The following LDB2 variants were observed in gnomAD, a reference collection of about 807,000 sequenced individuals.
LDB2 encodes LIM domain-binding protein 2.
Under a neutral mutation model 44.3 loss-of-function variants are expected in LDB2, and 12 were observed. That is an observed-to-expected ratio of 0.27 (90% CI 0.17 to 0.44). The LOEUF (loss-of-function observed/expected upper bound fraction) is 0.44, where lower values mean the gene tolerates loss of function less well. Ranked by LOEUF, LDB2 falls within the 20% of genes least tolerant of loss-of-function variation. LDB2 has a pLI of 1.00. For missense variants in LDB2, 344 were observed against 473.5 expected (o/e 0.73, Z 2.54); for synonymous variants, 164 against 174.8 (o/e 0.94, Z 0.49).
At chr4:16,851,954 T>G (rs1461148332) in intron 1 of LDB2, among the ~76,000 whole-genome samples, 1 of 152,178 alleles carries the variant, frequency 6.6e-6, no homozygotes, top group Non-Finnish European at 1.5e-5. Flanking sequence ...GGCTGCCCAG[T>G]GTTCTTCTGC....
chr4:16,578,155 C>G (rs1712571622), intron 5 of LDB2, among the ~76,000 whole-genome samples: 2 of 152,080 alleles, frequency 1.3e-5, no homozygotes, highest in African/African-American at 4.8e-5. Context: ...TTGGACTGAG[C>G]AAAGACTTCT....
chr4:16,885,981 C>T (rs947566020), intron 1 of LDB2, among the ~76,000 whole-genome samples: 4 of 151,940 alleles, frequency 2.6e-5, no homozygotes, highest in African/African-American at 4.8e-5. Context: ...TTTGGGAGGC[C>T]GAAGCAAGAG....
intron 1 of LDB2, chr4:16,889,478 G>T (rs563503143): frequency 1.3e-5 from 2 of 152,148 alleles, no homozygotes; most frequent in Admixed American, 1.3e-4. Flanking sequence ...AAGAAATTTT[G>T]TTCTCTCAGG....
At chr4:16,871,019 T>A (rs1716415689) in intron 1 of LDB2, among the ~76,000 whole-genome samples, 1 of 152,240 alleles carries the variant, frequency 6.6e-6, no homozygotes, top group Non-Finnish European at 1.5e-5. Flanking sequence ...GAGACCCATA[T>A]GTTGCACTCA....
At chr4:16,593,863 C>T (rs1578076424) in intron 3 of LDB2, among the ~76,000 whole-genome samples, 1 of 152,120 alleles carries the variant, frequency 6.6e-6, no homozygotes, top group Non-Finnish European at 1.5e-5. Context: ...AACACTTTAT[C>T]GATTCATCTG....
At chr4:16,835,454 C>G (rs1386314032) in intron 1 of LDB2, among the ~76,000 whole-genome samples, 1 of 152,184 alleles carries the variant, frequency 6.6e-6, no homozygotes, top group Non-Finnish European at 1.5e-5. Flanking sequence ...ATGCATCAGT[C>G]ATTCATTCCT....
intron 5 of LDB2, among the ~76,000 whole-genome samples, chr4:16,536,699 G>A (rs1315441842): frequency 1.3e-5 from 2 of 152,232 alleles, no homozygotes; most frequent in Non-Finnish European, 2.9e-5. Context: ...AGGTGGGTCA[G>A]GGGATGGAGA....
intron 7 of LDB2, among the ~76,000 whole-genome samples, chr4:16,508,007 C>T (rs1334105835): frequency 6.6e-6 from 1 of 152,134 alleles, no homozygotes; most frequent in Non-Finnish European, 1.5e-5. Flanking sequence ...TGATCCTCCC[C>T]CTTAGCTAAT....
At chr4:16,850,187 G>A (rs1379431335) in intron 1 of LDB2, among the ~76,000 whole-genome samples, 1 of 151,994 alleles carries the variant, frequency 6.6e-6, no homozygotes, top group East Asian at 1.9e-4. Flanking sequence ...GTCTGTTATG[G>A]GAGCCGCCAA....
At chr4:16,541,639 C>T (rs982906904) in intron 5 of LDB2, among the ~76,000 whole-genome samples, 1 of 152,186 alleles carries the variant, frequency 6.6e-6, no homozygotes, top group African/African-American at 2.4e-5. Flanking sequence ...ATCTGTGCAA[C>T]ATTTGCAACT....
chr4:16,706,844 A>T (rs1328197691), intron 2 of LDB2, among the ~76,000 whole-genome samples: 2 of 152,152 alleles, frequency 1.3e-5, no homozygotes, highest in African/African-American at 4.8e-5. Flanking sequence ...CAGATACCTC[A>T]AGGCAGATAG....
At chr4:16,746,022 A>C (rs779522322) in intron 2 of LDB2, among the ~76,000 whole-genome samples, 1 of 152,134 alleles carries the variant, frequency 6.6e-6, no homozygotes, top group Non-Finnish European at 1.5e-5. Flanking sequence ...CTAATGATCA[A>C]TCTGACACCT....
At chr4:16,564,657 A>C (rs1366162950) in intron 5 of LDB2, among the ~76,000 whole-genome samples, 1 of 152,222 alleles carries the variant, frequency 6.6e-6, no homozygotes, top group Non-Finnish European at 1.5e-5. Context: ...TTGCTTTGGA[A>C]TATTATGTTT....
chr4:16,516,474 A>G (rs1007251954), intron 5 of LDB2, among the ~76,000 whole-genome samples: 6 of 152,194 alleles, frequency 3.9e-5, no homozygotes, highest in African/African-American at 1.4e-4. Flanking sequence ...GAATAACACA[A>G]TCTCTGCCCT....
chr4:16,708,522 A>C (rs142073993), intron 2 of LDB2, among the ~76,000 whole-genome samples: 39 of 151,986 alleles, frequency 2.6e-4, no homozygotes, highest in Admixed American at 2.2e-3. Context: ...TTTACCCACT[A>C]CTTACCACCT....
chr4:16,774,177 AG>A, intron 1 of LDB2, among the ~76,000 whole-genome samples: 2 of 132,756 alleles, frequency 1.5e-5, no homozygotes, highest in East Asian at 2.2e-4. Context: ...AAAAAAAAAA[AG>A]GGTAACTAGT....
At chr4:16,787,285 T>C (rs1428692011) in intron 1 of LDB2, among the ~76,000 whole-genome samples, 2 of 152,106 alleles carry the variant, frequency 1.3e-5, no homozygotes, top group African/African-American at 4.8e-5. Context: ...CTACAGCCTA[T>C]GGAGGAATGC....
At chr4:16,702,738 T>G (rs1258051097) in intron 2 of LDB2, among the ~76,000 whole-genome samples, 1 of 152,164 alleles carries the variant, frequency 6.6e-6, no homozygotes, top group East Asian at 1.9e-4. Flanking sequence ...CACCAGCCTT[T>G]GCAGACACAA....
intron 5 of LDB2, among the ~76,000 whole-genome samples, chr4:16,552,958 G>C (rs1379788883): frequency 6.6e-6 from 1 of 152,190 alleles, no homozygotes; most frequent in Admixed American, 6.5e-5. Flanking sequence ...CTCCACCACA[G>C]GGCAGGCCTG....
Sources: allele counts gnomAD v4.1 joint callset (sites outside exome capture counted in the v4.1 genomes callset), GRCh38; gene constraint gnomAD v4.1.1; transcripts MANE v1.5; gene names NCBI Gene and HGNC (gene_info 2026-07-23, HGNC 2026-07-21).